The following JAZF1 variants were observed in gnomAD, a reference collection of about 807,000 sequenced individuals.
JAZF1 encodes JAZF zinc finger 1, also known as juxtaposed with another zinc finger protein 1.
Under a neutral mutation model 26.4 loss-of-function variants are expected in JAZF1, and 8 were observed. The observed-to-expected ratio is 0.30, with a 90% CI of 0.18 to 0.55. The LOEUF is 0.55. JAZF1 is among the 20% of genes least tolerant of loss of function. The pLI, the probability that JAZF1 is intolerant of heterozygous loss-of-function variation, is 0.94. For missense variants in JAZF1, 199 were observed against 322.0 expected (o/e 0.62, Z 2.92); for synonymous variants, 126 against 122.3 (o/e 1.03, Z -0.20).
intron 1 of JAZF1, among the ~76,000 whole-genome samples, chr7:28,103,334 A>T (rs1240420258): frequency 1.3e-5 from 2 of 152,032 alleles, no homozygotes; most frequent in African/African-American, 4.8e-5. Flanking sequence ...CTGGCTACTT[A>T]GGTGGCTGAG....
At chr7:27,891,399 A>G (rs1371005705) in intron 3 of JAZF1, among the ~76,000 whole-genome samples, 3 of 152,252 alleles carry the variant, frequency 2.0e-5, no homozygotes, top group Non-Finnish European at 4.4e-5. Context: ...CCTTTATAGA[A>G]AAAGTTTGCT....
At chr7:28,090,411 T>A (rs796251517) in intron 1 of JAZF1, among the ~76,000 whole-genome samples, 9 of 152,352 alleles carry the variant, frequency 5.9e-5, no homozygotes, top group African/African-American at 1.9e-4. Flanking sequence ...AACTTGCCCA[T>A]TCATCTTATT....
chr7:27,924,239 G>A (rs1009910762), intron 2 of JAZF1, among the ~76,000 whole-genome samples: 9 of 152,064 alleles, frequency 5.9e-5, no homozygotes, highest in South Asian at 4.1e-4. Flanking sequence ...CACCATGCCC[G>A]GCTGATTTTT....
At position 27,968,867 on chromosome 7, in the gene JAZF1, T is replaced by A. The variant is rs187529723; in HGVS notation, c.188+23042A>T. Among the ~76,000 whole-genome samples the A allele has an allele frequency of 2.6e-3, 388 of 151,988 alleles. 1 individual carries two copies. The highest frequency in any genetic ancestry group is 4.2e-3 in the Non-Finnish European group (284 of 67,890). On this transcript the variant is annotated intron_variant, in intron 2 of 4. Transcript: ENST00000283928. ...TTTGTATGGGCACAAGGAAGACAAG[T>A]CTAAGCAACTTCCCAGCTAATTTGC... is the stretch of plus-strand genomic sequence containing the variant.
At chr7:28,094,420 C>T (rs1327639438) in intron 1 of JAZF1, among the ~76,000 whole-genome samples, 14 of 152,218 alleles carry the variant, frequency 9.2e-5, no homozygotes. Context: ...AGCCCCGGCA[C>T]CGAGTCTCCA....
intron 1 of JAZF1, among the ~76,000 whole-genome samples, chr7:28,045,380 A>T (rs1443553930): frequency 6.6e-6 from 1 of 152,198 alleles, no homozygotes; most frequent in African/African-American, 2.4e-5. Context: ...AGGACTCTTG[A>T]GAAAAAGGTC....
intron 1 of JAZF1, among the ~76,000 whole-genome samples, chr7:28,024,616 A>T (rs1413871804): frequency 2.0e-5 from 3 of 152,200 alleles, no homozygotes; most frequent in Non-Finnish European, 2.9e-5. Context: ...CCCTGAATGG[A>T]AGAGGGACAT....
At chr7:27,962,129 TACA>T (rs1422871110) in intron 2 of JAZF1, among the ~76,000 whole-genome samples, 8 of 152,250 alleles carry the variant, frequency 5.3e-5, no homozygotes, top group Admixed American at 1.3e-4. Context: ...AGTCTTCATG[TACA>T]ACAACACGAT....
intron 1 of JAZF1, among the ~76,000 whole-genome samples, chr7:28,070,641 T>C (rs1783961717): frequency 6.6e-6 from 1 of 152,160 alleles, no homozygotes; most frequent in African/African-American, 2.4e-5. Context: ...TTCTTAGACT[T>C]TAGAACAAGC....
chr7:28,178,294 ATC>A (rs984183673), intron 1 of JAZF1, among the ~76,000 whole-genome samples: 2 of 152,176 alleles, frequency 1.3e-5, no homozygotes, highest in African/African-American at 4.8e-5. Flanking sequence ...GTTTTAAACC[ATC>A]TCAAACTAAA....
intron 1 of JAZF1, among the ~76,000 whole-genome samples, chr7:28,014,441 G>A (rs529373448): frequency 2.6e-5 from 4 of 152,308 alleles, no homozygotes; most frequent in African/African-American, 9.6e-5. Flanking sequence ...CCTGGTGGGA[G>A]GTAATTGAAT....
chr7:28,047,793 T>G (rs555643407), intron 1 of JAZF1, among the ~76,000 whole-genome samples: 1 of 152,310 alleles, frequency 6.6e-6, no homozygotes, highest in South Asian at 2.1e-4. Context: ...CTATCCTTGC[T>G]TTCCCAGGCT....
At chr7:28,094,314 C>G (rs1784347353) in intron 1 of JAZF1, among the ~76,000 whole-genome samples, 1 of 152,174 alleles carries the variant, frequency 6.6e-6, no homozygotes, top group Non-Finnish European at 1.5e-5. Flanking sequence ...TCACTCAGAA[C>G]AGAGGCTACA....
chr7:28,171,177 C>T (rs1783463990), intron 1 of JAZF1, among the ~76,000 whole-genome samples: 1 of 152,178 alleles, frequency 6.6e-6, no homozygotes, highest in African/African-American at 2.4e-5. Flanking sequence ...GTACCAAATA[C>T]CCCTGGCAAT....
At position 28,051,867 on chromosome 7, in the gene JAZF1, C is replaced by T. The variant is rs115416171; in HGVS notation, c.116-59886G>A. Among the ~76,000 whole-genome samples, 635 of 152,214 alleles carry T rather than the reference C, an allele frequency of 4.2e-3. 10 individuals carry two copies. The highest frequency in any genetic ancestry group is 0.015 in the African/African-American group (605 of 41,514). ...AAATCACACCTAAAATTGATTTAGA[C>T]GGGCATTAGAAACCTTACAAAGTGA... On this transcript the variant is annotated intron_variant, in intron 1 of 4. Transcript: ENST00000283928.
chr7:28,014,034 C>T (rs968269230), intron 1 of JAZF1, among the ~76,000 whole-genome samples: 10 of 146,876 alleles, frequency 6.8e-5, no homozygotes, highest in African/African-American at 2.5e-4. Flanking sequence ...CTAGTTAAAT[C>T]AACTGAGGCA....
chr7:27,921,169 TA>T (rs1784522825), intron 2 of JAZF1, among the ~76,000 whole-genome samples: 1 of 152,148 alleles, frequency 6.6e-6, no homozygotes, highest in South Asian at 2.1e-4. Flanking sequence ...TGTAGGCTAT[TA>T]AAGTAATGAG....
intron 2 of JAZF1, among the ~76,000 whole-genome samples, chr7:27,974,891 T>G (rs868155470): frequency 0.024 from 3,685 of 151,442 alleles, 147 homozygotes; most frequent in African/African-American, 0.082. Context: ...TAGGGAGTTT[T>G]TTTTTTTTTT....
chr7:28,127,978 C>T (rs866128309), intron 1 of JAZF1, among the ~76,000 whole-genome samples: 1 of 152,060 alleles, frequency 6.6e-6, no homozygotes, highest in Non-Finnish European at 1.5e-5. Context: ...ATGGGAACTA[C>T]AATTCAAGAT....
Sources: gnomAD v4.1 joint callset for allele counts (sites outside exome capture counted in the v4.1 genomes callset) on GRCh38, gnomAD v4.1.1 for gene constraint, MANE v1.5 for transcripts, NCBI Gene and HGNC (gene_info 2026-07-23, HGNC 2026-07-21) for gene names.